CYRIA: variants seen among roughly 807,000 people sequenced by gnomAD.
The protein encoded by CYRIA is CYFIP-related Rac1 interactor A.
Under a neutral mutation model 43.9 loss-of-function variants are expected in CYRIA, and 15 were observed. The ratio of observed to expected loss-of-function variants is 0.34; its 90% CI spans 0.23 to 0.53. The LOEUF (loss-of-function observed/expected upper bound fraction) is 0.53, where lower values mean the gene tolerates loss of function less well. CYRIA is among the 20% of genes least tolerant of loss of function. The pLI, the probability that CYRIA is intolerant of heterozygous loss-of-function variation, is 0.94. For missense variants in CYRIA, 236 were observed against 394.2 expected, an observed-to-expected ratio of 0.60 and a Z score of 3.40; for synonymous variants, 117 against 136.0, an observed-to-expected ratio of 0.86 and a Z score of 0.97.
Position 16,551,043 on chromosome 2 carries a change from A to T in CYRIA, c.*1893T>A, listed in dbSNP as rs893956103. On this transcript the variant is annotated 3_prime_UTR_variant, in exon 12 of 12. Transcript: ENST00000381323. ...CACCTAGCATATTTCTATTCTGATG[A>T]GAGAAACTCCATCCAAGCAGCTGTA... 6.6e-6 allele frequency: 1 copy of T among 152,146 alleles called. No homozygotes were observed. The highest frequency in any genetic ancestry group is 1.5e-5 in the Non-Finnish European group (1 of 68,012). 9.4% of individuals were successfully genotyped at this position (152,146 alleles called of 1,614,324 possible).
chr2:16,665,396 C>T (rs1670362649), intron 1 of CYRIA, among the ~76,000 whole-genome samples: 1 of 151,616 alleles, frequency 6.6e-6, no homozygotes, highest in Non-Finnish European at 1.5e-5. Context: ...CCCAGGACCC[C>T]GGGGCCTCGG....
chr2:16,653,527 A>G (rs974560328), intron 1 of CYRIA, among the ~76,000 whole-genome samples: 4 of 152,126 alleles, frequency 2.6e-5, no homozygotes, highest in African/African-American at 9.7e-5. Context: ...ACTTACCACC[A>G]TCTAACATGA....
At chr2:16,566,094 T>A (rs1036071192) in intron 3 of CYRIA, among the ~76,000 whole-genome samples, 4 of 152,178 alleles carry the variant, frequency 2.6e-5, no homozygotes, top group African/African-American at 9.6e-5. Flanking sequence ...AAATAAGCAT[T>A]GTCTTTTTGA....
chr2:16,662,091 T>C (rs1229047050), intron 1 of CYRIA, among the ~76,000 whole-genome samples: 1 of 152,196 alleles, frequency 6.6e-6, no homozygotes, highest in Non-Finnish European at 1.5e-5. Context: ...AGAGTGTTGG[T>C]GATTCGTGCA....
chr2:16,597,211 A>C (rs1344400347), intron 2 of CYRIA, among the ~76,000 whole-genome samples: 1 of 103,122 alleles, frequency 9.7e-6, no homozygotes, highest in Non-Finnish European at 1.9e-5. Flanking sequence ...TATTCTGTTG[A>C]TTTGGGGTTG....
At chr2:16,557,258 T>C (rs1186836450) in intron 10 of CYRIA, among the ~76,000 whole-genome samples, 2 of 152,264 alleles carry the variant, frequency 1.3e-5, no homozygotes, top group East Asian at 1.9e-4. Context: ...GGGATAATCC[T>C]ACATCTTCTT....
At chr2:16,627,964 G>A (rs1669219364) in intron 1 of CYRIA, among the ~76,000 whole-genome samples, 1 of 152,204 alleles carries the variant, frequency 6.6e-6, no homozygotes, top group Non-Finnish European at 1.5e-5. Flanking sequence ...GAGAGATGGA[G>A]CAGCTGGGCG....
intron 2 of CYRIA, among the ~76,000 whole-genome samples, chr2:16,611,203 CAAAAAAA>C (rs11399188): frequency 7.1e-6 from 1 of 140,002 alleles, no homozygotes. Context: ...ACTAAAAATA[CAAAAAAA>C]AAAAAATAGC....
rs117601595 is a variant in CYRIA at position 16,567,015 on chromosome 2, C to A, written c.71-1248G>T. Among the ~76,000 whole-genome samples the A allele has an allele frequency of 2.6e-4, 40 of 152,262 alleles. No homozygotes were observed. The East Asian group carries it at 7.3e-3, about 28-fold the overall frequency. On this transcript the variant is annotated intron_variant, in intron 3 of 11. Coordinates refer to ENST00000381323, the MANE Select transcript of CYRIA (RefSeq NM_030797.4). ...AAGGCCGAGTTTACACCTGGTCTAA[C>A]CCTCACCAGATCAAATCTCAGTTTT...
chr2:16,655,035 T>C (rs72777955), intron 1 of CYRIA, among the ~76,000 whole-genome samples: 7 of 152,194 alleles, frequency 4.6e-5, no homozygotes, highest in Admixed American at 1.3e-4. Context: ...GAGCATGTAG[T>C]GTGAAAGGGA....
At chr2:16,653,768 C>T (rs946909340) in intron 1 of CYRIA, among the ~76,000 whole-genome samples, 1 of 152,162 alleles carries the variant, frequency 6.6e-6, no homozygotes, top group Non-Finnish European at 1.5e-5. Flanking sequence ...GAATGTTACA[C>T]CAGAAGCGAA....
At chr2:16,629,846 T>C (rs1572189111) in intron 1 of CYRIA, among the ~76,000 whole-genome samples, 2 of 148,300 alleles carry the variant, frequency 1.3e-5, no homozygotes, top group Middle Eastern at 6.9e-3. Flanking sequence ...GCTGTGATTA[T>C]GACTATATGT....
At chr2:16,591,240 G>A (rs1667919974) in intron 2 of CYRIA, among the ~76,000 whole-genome samples, 1 of 152,130 alleles carries the variant, frequency 6.6e-6, no homozygotes, top group African/African-American at 2.4e-5. Context: ...GGGAGAGTAG[G>A]AGAGTAAAAG....
chr2:16,615,345 G>A (rs568308734), intron 2 of CYRIA, among the ~76,000 whole-genome samples: 4 of 152,250 alleles, frequency 2.6e-5, no homozygotes, highest in South Asian at 4.1e-4. Context: ...GATTGGTCCC[G>A]AAATCCGGAG....
At chr2:16,581,762 C>T (rs1667557557) in intron 3 of CYRIA, among the ~76,000 whole-genome samples, 1 of 152,004 alleles carries the variant, frequency 6.6e-6, no homozygotes, top group Non-Finnish European at 1.5e-5. Flanking sequence ...ATGTTTATAG[C>T]ACAATTACTA....
At chr2:16,553,062 T>A (rs1666371289) in intron 11 of CYRIA, 63 bp from the exon 12 acceptor site, 7 of 1,031,068 alleles carry the variant, frequency 6.8e-6, no homozygotes, top group Non-Finnish European at 1.1e-5. Flanking sequence ...CTTCAGCCCA[T>A]CTTTACCTTC....
chr2:16,563,275 T>C (rs567984519), intron 5 of CYRIA, among the ~76,000 whole-genome samples: 1 of 152,314 alleles, frequency 6.6e-6, no homozygotes, highest in East Asian at 1.9e-4. Context: ...GTTTGGTTCA[T>C]TCAAGTACTT....
intron 1 of CYRIA, among the ~76,000 whole-genome samples, chr2:16,652,227 T>C (rs969826066): frequency 1.4e-4 from 22 of 152,286 alleles, no homozygotes; most frequent in South Asian, 4.1e-4. Context: ...CTAGCTTCCG[T>C]CTTCAGTGAG....
At chr2:16,583,439 T>G (rs899290878) in intron 3 of CYRIA, among the ~76,000 whole-genome samples, 2 of 152,176 alleles carry the variant, frequency 1.3e-5, no homozygotes, top group African/African-American at 4.8e-5. Context: ...CCTGGAAATG[T>G]GGGAAAAATG....
Sources: gnomAD v4.1 joint callset for allele counts (sites outside exome capture counted in the v4.1 genomes callset) on GRCh38, gnomAD v4.1.1 for gene constraint, MANE v1.5 for transcripts, NCBI Gene and HGNC (gene_info 2026-07-23, HGNC 2026-07-21) for gene names.